The following IL1RAPL2 variants were observed in gnomAD, a reference collection of about 807,000 sequenced individuals.
IL1RAPL2 encodes the protein interleukin 1 receptor accessory protein like 2, also known as X-linked interleukin-1 receptor accessory protein-like 2.
Under a neutral mutation model 44.1 loss-of-function variants are expected in IL1RAPL2, and 3 were observed. That is an observed-to-expected ratio of 0.07 (90% CI 0.03 to 0.18). The LOEUF is 0.18. Ranked by LOEUF, IL1RAPL2 falls within the 10% of genes least tolerant of loss-of-function variation. IL1RAPL2 has a pLI of 1.00. For missense variants in IL1RAPL2, 391 were observed against 496.4 expected, an observed-to-expected ratio of 0.79 and a Z score of 2.02; for synonymous variants, 181 against 178.8, an observed-to-expected ratio of 1.01 and a Z score of -0.10.
chrX:104,584,756 C>T (rs1382993146), intron 1 of IL1RAPL2, among the ~76,000 whole-genome samples: 1 of 110,652 alleles, frequency 9.0e-6, no homozygotes, highest in Non-Finnish European at 1.9e-5. Flanking sequence ...TTTTAGAAAA[C>T]AGTTTCTGCC....
At chrX:105,162,339 A>T (rs2033333295) in intron 2 of IL1RAPL2, among the ~76,000 whole-genome samples, 1 of 112,068 alleles carries the variant, frequency 8.9e-6, no homozygotes, top group Non-Finnish European at 1.9e-5. Context: ...TTTTTGCTGA[A>T]CTGAAAATCA....
rs2034458934 is a variant in IL1RAPL2, at chrX:105,272,983, G to C, written c.697+5442G>C. 2.7e-5 allele frequency among the ~76,000 whole-genome samples: 3 copies of C among 111,383 alleles called. No homozygotes were observed. The Admixed American group carries it at 2.9e-4, about 11-fold the overall frequency. ...CTGTTAATGCTGAGATTTTGCAGGG[G>C]AGGGTGAGTTTAGAAAAAAACAGTG... On this transcript the variant is annotated intron_variant, in intron 5 of 10. Coordinates refer to ENST00000372582, the MANE Select transcript of IL1RAPL2 (RefSeq NM_017416.2).
At chrX:105,360,782 A>G (rs185374692) in intron 5 of IL1RAPL2, among the ~76,000 whole-genome samples, 2 of 111,312 alleles carry the variant, frequency 1.8e-5, no homozygotes, top group Admixed American at 1.9e-4. Flanking sequence ...TTATTATAAT[A>G]TTTTGCCAAA....
chrX:105,631,803 T>C (rs955918500), intron 6 of IL1RAPL2, among the ~76,000 whole-genome samples: 4 of 111,736 alleles, frequency 3.6e-5, no homozygotes, highest in Non-Finnish European at 3.8e-5. Context: ...TCAGTTGCCT[T>C]AGCACGAAAC....
chrX:105,233,825 A>G lies in IL1RAPL2; in HGVS notation c.364A>G (p.Thr122Ala). The G allele has an allele frequency of 8.3e-7, 1 of 1,200,905 alleles. No homozygotes were observed. Among genetic ancestry groups the G allele is most frequent in the Non-Finnish European group, 1.1e-6 (1 of 889,775 alleles). The change falls in exon 4 of 11, where the codon ACA (threonine) becomes GCA (alanine). Residue 122 changes from threonine to alanine, a missense_variant. Physicochemically the swap from Thr to Ala is moderately conservative, Grantham distance 58. Around this residue, in one of 2 missense-constraint regions of IL1RAPL2, gnomAD observed 159 missense variants for 251.7 expected, o/e 0.63. Coordinates refer to ENST00000372582, the MANE Select transcript of IL1RAPL2 (RefSeq NM_017416.2). ...ATTTCTCTGTTCCTACAGAAACTCAACATATTGCATGAAGGTGTCAATGTC... is the reference window on the plus strand; with the variant it reads ...ATTTCTCTGTTCCTACAGAAACTCAGCATATTGCATGAAGGTGTCAATGTC... Reference protein sequence around the residue: ...GFYTCVLRNSTYCMKVSMSLT... With the variant: ...GFYTCVLRNSAYCMKVSMSLT...
chrX:105,069,399 T>C lies in IL1RAPL2; in HGVS notation c.83-126076T>C, dbSNP rs1229787633. Among the ~76,000 whole-genome samples, 10 of 112,869 alleles carry C rather than the reference T, an allele frequency of 8.9e-5. No individual in the cohort carries two copies. The Admixed American group carries it at 9.4e-4, about 11-fold the overall frequency. ...ATCTGGCCTGAAGATAATTTCTTTC[T>C]ATTTACCAACATAGAAAGGAATTCA... is the stretch of plus-strand genomic sequence containing the variant. On this transcript the variant is annotated intron_variant, in intron 2 of 10. Coordinates refer to ENST00000372582, the MANE Select transcript of IL1RAPL2 (RefSeq NM_017416.2).
chrX:105,762,695 A>T, intron 10 of IL1RAPL2, among the ~76,000 whole-genome samples: 1 of 111,519 alleles, frequency 9.0e-6, no homozygotes, highest in Non-Finnish European at 1.9e-5. Context: ...CTGTCATCAC[A>T]AGTTACATCA....
At chrX:105,208,095 A>G (rs2033779095) in intron 3 of IL1RAPL2, among the ~76,000 whole-genome samples, 1 of 111,778 alleles carries the variant, frequency 8.9e-6, no homozygotes, top group Non-Finnish European at 1.9e-5. Context: ...GGCCATGCAC[A>G]GGGAAAAACA....
chrX:105,760,598 C>T (rs1199222251), intron 10 of IL1RAPL2, among the ~76,000 whole-genome samples: 1 of 112,259 alleles, frequency 8.9e-6, no homozygotes, highest in African/African-American at 3.2e-5. Context: ...TGCTTCCCCA[C>T]TCACCCACAG....
At chrX:104,769,835 T>C (rs1307756505) in intron 2 of IL1RAPL2, among the ~76,000 whole-genome samples, 2 of 111,934 alleles carry the variant, frequency 1.8e-5, no homozygotes, top group African/African-American at 6.5e-5. Flanking sequence ...CTTAAAGGGC[T>C]GTCACTAAAC....
intron 2 of IL1RAPL2, among the ~76,000 whole-genome samples, chrX:104,988,083 A>G (rs1330773881): frequency 4.5e-5 from 5 of 112,307 alleles, no homozygotes; most frequent in African/African-American, 9.7e-5. Flanking sequence ...GTGAAGAATT[A>G]AAGTTTCCAT....
intron 2 of IL1RAPL2, among the ~76,000 whole-genome samples, chrX:105,064,864 A>G (rs899102084): frequency 9.0e-6 from 1 of 110,851 alleles, no homozygotes; most frequent in African/African-American, 3.3e-5. Context: ...AAGCAGGAAC[A>G]CTCAGTGTAA....
At chrX:105,042,728 G>T (rs1193716188) in intron 2 of IL1RAPL2, among the ~76,000 whole-genome samples, 1 of 105,765 alleles carries the variant, frequency 9.5e-6, no homozygotes, top group African/African-American at 3.5e-5. Flanking sequence ...CCATTACTGG[G>T]TATATACCCA....
chrX:104,768,347 T>G (rs1280339095), intron 2 of IL1RAPL2, among the ~76,000 whole-genome samples: 1 of 111,749 alleles, frequency 8.9e-6, no homozygotes, highest in Non-Finnish European at 1.9e-5. Context: ...TCTACATTGC[T>G]ACCAGAATCT....
intron 2 of IL1RAPL2, among the ~76,000 whole-genome samples, chrX:104,926,100 A>C (rs1361580643): frequency 8.9e-6 from 1 of 112,181 alleles, no homozygotes; most frequent in Non-Finnish European, 1.9e-5. Context: ...AATGAGCAAC[A>C]AATATTTTCT....
At chrX:105,279,725 G>A (rs756858195) in intron 5 of IL1RAPL2, among the ~76,000 whole-genome samples, 30 of 111,817 alleles carry the variant, frequency 2.7e-4, no homozygotes, top group Middle Eastern at 4.7e-3. Flanking sequence ...TGATCCTCCC[G>A]CCTTGGCCTC....
chrX:105,081,501 C>A (rs1363770819), intron 2 of IL1RAPL2, among the ~76,000 whole-genome samples: 1 of 111,693 alleles, frequency 9.0e-6, no homozygotes, highest in Non-Finnish European at 1.9e-5. Flanking sequence ...ACCTCAACAA[C>A]CCCTTTGGCG....
chrX:104,842,637 A>G (rs1157194041), intron 2 of IL1RAPL2, among the ~76,000 whole-genome samples: 1 of 112,067 alleles, frequency 8.9e-6, no homozygotes, highest in Non-Finnish European at 1.9e-5. Flanking sequence ...TTTTTCTTCT[A>G]ACAGTCAGGC....
chrX:104,746,927 C>G (rs1222107310), intron 2 of IL1RAPL2, among the ~76,000 whole-genome samples: 1 of 111,168 alleles, frequency 9.0e-6, no homozygotes, highest in Non-Finnish European at 1.9e-5. Context: ...TTTGGAAGAC[C>G]TATATCAATC....
Sources: allele counts gnomAD v4.1 joint callset (sites outside exome capture counted in the v4.1 genomes callset), GRCh38; gene constraint gnomAD v4.1.1; regional missense constraint gnomAD v4.1.1; transcripts MANE v1.5; gene names NCBI Gene and HGNC (gene_info 2026-07-23, HGNC 2026-07-21).